Variants in TAFA1 observed in about 807,000 individuals in gnomAD.
TAFA1 encodes the protein TAFA chemokine like family member 1.
In TAFA1, 4 loss-of-function variants were observed where a neutral mutation model predicts 18.5. The observed-to-expected ratio is 0.22, with a 90% confidence interval of 0.11 to 0.49. The LOEUF (loss-of-function observed/expected upper bound fraction) is 0.49, where lower values mean the gene tolerates loss of function less well. TAFA1 is among the 20% of genes least tolerant of loss of function. The pLI is 0.98. For missense variants in TAFA1, 147 were observed against 169.0 expected (o/e 0.87, Z 0.72); for synonymous variants, 56 against 55.2 (o/e 1.01, Z -0.06).
intron 2 of TAFA1, among the ~76,000 whole-genome samples, chr3:68,245,966 A>C (rs1433649003): frequency 1.3e-5 from 2 of 152,170 alleles, no homozygotes; most frequent in Non-Finnish European, 2.9e-5. Context: ...ATAGGTAATA[A>C]AGTGACTCAA....
At chr3:68,188,803 G>T (rs1324010217) in intron 2 of TAFA1, among the ~76,000 whole-genome samples, 4 of 151,834 alleles carry the variant, frequency 2.6e-5, no homozygotes, top group South Asian at 2.1e-4. Context: ...TTTATGTGAT[G>T]CTTCTTTTGA....
At chr3:68,506,028 A>C (rs565766738) in intron 3 of TAFA1, among the ~76,000 whole-genome samples, 11 of 151,874 alleles carry the variant, frequency 7.2e-5, no homozygotes, top group Non-Finnish European at 1.6e-4. Context: ...TCCTAATGCT[A>C]TCCCTCCCCT....
chr3:68,012,855 G>C (rs1704498420), intron 2 of TAFA1, among the ~76,000 whole-genome samples: 1 of 152,104 alleles, frequency 6.6e-6, no homozygotes, highest in Non-Finnish European at 1.5e-5. Flanking sequence ...CAGCATTTCA[G>C]AATTATACTT....
chr3:68,198,658 T>C (rs909147281), intron 2 of TAFA1, among the ~76,000 whole-genome samples: 2 of 151,598 alleles, frequency 1.3e-5, no homozygotes, highest in African/African-American at 4.8e-5. Flanking sequence ...TGCTTATTTA[T>C]AATTTCTATG....
intron 2 of TAFA1, among the ~76,000 whole-genome samples, chr3:68,368,488 T>A (rs1398252565): frequency 6.6e-6 from 1 of 152,066 alleles, no homozygotes; most frequent in Non-Finnish European, 1.5e-5. Context: ...GTAGATAACA[T>A]AGTCTAAGTA....
chr3:68,347,551 G>T (rs2069184157), intron 2 of TAFA1, among the ~76,000 whole-genome samples: 1 of 152,132 alleles, frequency 6.6e-6, no homozygotes, highest in African/African-American at 2.4e-5. Context: ...TATGGTTTCT[G>T]TTGCAACTGT....
At chr3:68,191,496 AT>A (rs1209035617) in intron 2 of TAFA1, among the ~76,000 whole-genome samples, 2 of 151,780 alleles carry the variant, frequency 1.3e-5, no homozygotes, top group Admixed American at 6.6e-5. Flanking sequence ...GTATCCAATT[AT>A]TTTTGTCTTT....
chr3:68,537,545 GC>G (rs1559710612), intron 3 of TAFA1, among the ~76,000 whole-genome samples: 1 of 152,058 alleles, frequency 6.6e-6, no homozygotes. Context: ...TTTCTTTTAG[GC>G]CTTTAAAAGT....
chr3:68,152,943 G>T (rs986972409), intron 2 of TAFA1, among the ~76,000 whole-genome samples: 1 of 152,082 alleles, frequency 6.6e-6, no homozygotes, highest in Non-Finnish European at 1.5e-5. Context: ...GAGAGAGGAG[G>T]GAATGGAGAG....
chr3:68,453,808 A>G (rs983998800), intron 3 of TAFA1, among the ~76,000 whole-genome samples: 1 of 152,226 alleles, frequency 6.6e-6, no homozygotes, highest in Non-Finnish European at 1.5e-5. Flanking sequence ...TACAAGGTTT[A>G]CATTGCAGCT....
chr3:68,244,845 T>C (rs1335204372), intron 2 of TAFA1, among the ~76,000 whole-genome samples: 1 of 152,230 alleles, frequency 6.6e-6, no homozygotes, highest in Non-Finnish European at 1.5e-5. Flanking sequence ...GGTATTGTTA[T>C]TATCAACATT....
chr3:68,524,084 C>T lies in TAFA1; in HGVS notation c.260-14672C>T, dbSNP rs528392175. On this transcript the variant is annotated intron_variant, in intron 3 of 4. Coordinates refer to ENST00000478136, the MANE Select transcript of TAFA1 (RefSeq NM_213609.4). ...AAGAACAAAAATGTACCATTTCTCACGATTCTGTGTGTTGCCTGGGTGGTT... is the reference window on the plus strand; with the variant it reads ...AAGAACAAAAATGTACCATTTCTCATGATTCTGTGTGTTGCCTGGGTGGTT... Among the ~76,000 whole-genome samples, 15 of 152,252 alleles carry T rather than the reference C, an allele frequency of 9.9e-5. No individual in the cohort carries two copies. In the South Asian group the frequency reaches 1.9e-3, roughly 19 times the overall value.
chr3:68,077,868 G>A lies in TAFA1; in HGVS notation c.118+71124G>A, dbSNP rs539846560. Among the ~76,000 whole-genome samples, 27 of 152,104 alleles carry A rather than the reference G, an allele frequency of 1.8e-4. No individual in the cohort carries two copies. The East Asian group carries it at 3.9e-3, about 22-fold the overall frequency. On this transcript the variant is annotated intron_variant, in intron 2 of 4. Coordinates refer to ENST00000478136, the MANE Select transcript of TAFA1 (RefSeq NM_213609.4). Reference sequence around the variant, plus strand: ...GAAGAAAGGCATTGGTAGCTTGATGGGGATGGCATTGAATCTGTAAATTAC... The same window carrying A: ...GAAGAAAGGCATTGGTAGCTTGATGAGGATGGCATTGAATCTGTAAATTAC...
At chr3:68,434,083 A>C (rs2106845384) in intron 3 of TAFA1, among the ~76,000 whole-genome samples, 1 of 152,252 alleles carries the variant, frequency 6.6e-6, no homozygotes, top group Non-Finnish European at 1.5e-5. Flanking sequence ...CCAGTCAAAA[A>C]CCTGATGTTT....
At chr3:68,293,293 C>T (rs2107282368) in intron 2 of TAFA1, among the ~76,000 whole-genome samples, 1 of 152,258 alleles carries the variant, frequency 6.6e-6, no homozygotes, top group East Asian at 1.9e-4. Flanking sequence ...AAGAATCTCT[C>T]TAGATGATGG....
intron 2 of TAFA1, among the ~76,000 whole-genome samples, chr3:68,217,275 A>G (rs1037465172): frequency 2.0e-5 from 3 of 152,026 alleles, no homozygotes; most frequent in Non-Finnish European, 4.4e-5. Context: ...TGAAATAAAA[A>G]TCATAGTTTA....
intron 3 of TAFA1, among the ~76,000 whole-genome samples, chr3:68,512,358 C>G (rs1423560545): frequency 6.6e-6 from 1 of 152,056 alleles, no homozygotes; most frequent in Admixed American, 6.6e-5. Context: ...GAATAATGAG[C>G]CTTTTAAAGT....
intron 2 of TAFA1, among the ~76,000 whole-genome samples, chr3:68,046,069 A>G (rs887561519): frequency 6.6e-6 from 1 of 151,866 alleles, no homozygotes; most frequent in Non-Finnish European, 1.5e-5. Context: ...TAATTCCTTC[A>G]TTTTTCTCTT....
At chr3:68,048,360 T>C (rs1385779725) in intron 2 of TAFA1, among the ~76,000 whole-genome samples, 1 of 152,030 alleles carries the variant, frequency 6.6e-6, no homozygotes, top group Non-Finnish European at 1.5e-5. Context: ...ATGGGGTACA[T>C]GAGATATTTT....
Sources: allele counts gnomAD v4.1 joint callset (sites outside exome capture counted in the v4.1 genomes callset), GRCh38; gene constraint gnomAD v4.1.1; transcripts MANE v1.5; gene names NCBI Gene and HGNC (gene_info 2026-07-23, HGNC 2026-07-21).